CEMIP2: variants seen among roughly 807,000 people sequenced by gnomAD.
CEMIP2 encodes cell surface hyaluronidase CEMIP2.
Under a neutral mutation model 146.9 loss-of-function variants are expected in CEMIP2, and 79 were observed. That is an observed-to-expected ratio of 0.54 (90% CI 0.45 to 0.65). The LOEUF is 0.65. Ranked by LOEUF, CEMIP2 falls within the 30% of genes least tolerant of loss-of-function variation. The pLI is 0.00. For missense variants in CEMIP2, 1,596 were observed against 1,696.2 expected, an observed-to-expected ratio of 0.94 and a Z score of 1.04; for synonymous variants, 601 against 606.3, an observed-to-expected ratio of 0.99 and a Z score of 0.13.
At chr9:71,748,585 C>A (rs1202453188) in intron 2 of CEMIP2, among the ~76,000 whole-genome samples, 4 of 152,174 alleles carry the variant, frequency 2.6e-5, no homozygotes, top group Non-Finnish European at 5.9e-5. Context: ...CCCTTTACTG[C>A]AGAAGAGTTG....
In CEMIP2 at chr9:71,754,899, T is replaced by TAA. The variant is rs35881443; in HGVS notation, c.-12-4516_-12-4515dup. 9.3e-3 allele frequency among the ~76,000 whole-genome samples: 1,411 copies of TAA among 150,964 alleles called. 17 individuals are homozygous for TAA. Among genetic ancestry groups the TAA allele is most frequent in the African/African-American group, 0.031 (1,289 of 41,214 alleles). ...TCTACTTAAAATATACAAATGCTGTTAAAAAAAAATACAAATGCTGGAAAA... is the reference window on the plus strand; with the variant it reads ...TCTACTTAAAATATACAAATGCTGTTAAAAAAAAAAATACAAATGCTGGAAAA... On this transcript the variant is annotated intron_variant, in intron 1 of 23. Coordinates refer to ENST00000377044, the MANE Select transcript of CEMIP2 (RefSeq NM_013390.3).
intron 3 of CEMIP2, 33 bp downstream of exon 3, chr9:71,746,168 T>C (rs1589161713): frequency 6.2e-7 from 1 of 1,605,418 alleles, no homozygotes. Context: ...AAGAGCAACC[T>C]TGCAGTTCCC....
chr9:71,749,867 A>G (rs1316392971), intron 2 of CEMIP2, 176 bp downstream of exon 2: 4 of 581,786 alleles, frequency 6.9e-6, no homozygotes, highest in African/African-American at 5.6e-5. Flanking sequence ...CCATTTAATC[A>G]TTTCCAACAG....
chr9:71,706,318 A>G (rs909337203), intron 17 of CEMIP2, among the ~76,000 whole-genome samples: 2 of 152,128 alleles, frequency 1.3e-5, no homozygotes, highest in Non-Finnish European at 2.9e-5. Context: ...TTGAGATCCA[A>G]TTGCTCCCAT....
intron 1 of CEMIP2, among the ~76,000 whole-genome samples, chr9:71,760,699 GCAATTAAGAACAGCTAACA>G (rs139705338): frequency 0.065 from 9,326 of 143,984 alleles, 491 homozygotes; most frequent in South Asian, 0.18. Context: ...AGGAAGGGTA[GCAATTAAGAACAGCTAACA>G]CTCTCTGAGC....
intron 22 of CEMIP2, 125 bp downstream of exon 22, chr9:71,689,967 A>C: frequency 8.4e-7 from 1 of 1,190,286 alleles, no homozygotes; most frequent in South Asian, 1.5e-5. Context: ...GAGAGGAATG[A>C]ACACCTTGCA....
At chr9:71,730,399 T>A (rs1021501175) in intron 8 of CEMIP2, 146 bp from the exon 9 acceptor site, 2 of 798,470 alleles carry the variant, frequency 2.5e-6, no homozygotes, top group Non-Finnish European at 2.0e-6. Context: ...ATGTCAGGCT[T>A]AATTTATCTC....
At chr9:71,709,991 C>T (rs1385175381) in intron 16 of CEMIP2, among the ~76,000 whole-genome samples, 1 of 152,114 alleles carries the variant, frequency 6.6e-6, no homozygotes, top group Non-Finnish European at 1.5e-5. Flanking sequence ...GTTCATATGA[C>T]TCCCCCCACC....
chr9:71,756,506 T>TCTCTCTCA (rs1010879160), intron 1 of CEMIP2, among the ~76,000 whole-genome samples: 3 of 112,496 alleles, frequency 2.7e-5, no homozygotes, highest in African/African-American at 1.0e-4. Flanking sequence ...TCTCTCTCTC[T>TCTCTCTCA]CACACACACA....
rs780302239 is a variant in CEMIP2 at position 71,745,462 on chromosome 9, T to C, written c.590A>G (p.Lys197Arg). 9 of 1,614,094 alleles carry C rather than the reference T, an allele frequency of 5.6e-6. No individual in the cohort carries two copies. In the South Asian group the frequency reaches 9.9e-5, roughly 18 times the overall value. ...LHIGAEKCRY[K>R]SKATITLYGK... is the part of the protein sequence containing the mutation. ...ATACAAGGTAATTGTCGCTTTGGAT[T>C]TATAGCGGCATTTTTCTGCTCCAAT... The change falls in exon 4 of 24, where the codon AAA (lysine) becomes AGA (arginine). Residue 197 changes from lysine (K) to arginine (R), a missense_variant. Coordinates refer to ENST00000377044, the MANE Select transcript of CEMIP2 (RefSeq NM_013390.3).
In CEMIP2 at chr9:71,745,497, C is replaced by T. The variant is rs375221355; in HGVS notation, c.555G>A (p.Gly185=). ...ATTTTTCTGCTCCAATATGAAGCGC[C>T]CCACCATCCTGGATCAGGATGTAAT... is the stretch of plus-strand genomic sequence containing the variant. The part of the protein sequence containing the change: ...RTHYILIQDG[G]ALHIGAEKCR... Residue 185 remains glycine (G), a synonymous_variant, in exon 4 of 24, where the codon GGG becomes GGA. Transcript: ENST00000377044. 4 of 1,613,216 alleles carry T rather than the reference C, an allele frequency of 2.5e-6. No individual in the cohort carries two copies. Among genetic ancestry groups the T allele is most frequent in the Admixed American group, 3.3e-5 (2 of 59,956 alleles).
chr9:71,762,830 G>A (rs1824676365), intron 1 of CEMIP2, among the ~76,000 whole-genome samples: 2 of 152,148 alleles, frequency 1.3e-5, no homozygotes, highest in South Asian at 4.2e-4. Context: ...GGGCAACATG[G>A]TGAAACCCTA....
intron 16 of CEMIP2, among the ~76,000 whole-genome samples, chr9:71,710,045 T>A (rs1007840285): frequency 3.9e-5 from 6 of 152,188 alleles, no homozygotes; most frequent in Admixed American, 1.3e-4. Context: ...GAAACACAAT[T>A]TAAGTGTTGA....
At chr9:71,752,815 A>T (rs998681117) in intron 1 of CEMIP2, among the ~76,000 whole-genome samples, 2 of 152,184 alleles carry the variant, frequency 1.3e-5, no homozygotes, top group African/African-American at 4.8e-5. Context: ...AACGACCTGG[A>T]AATTAATGGG....
At chr9:71,741,185 A>ATT (rs79872255) in intron 4 of CEMIP2, among the ~76,000 whole-genome samples, 3,116 of 72,186 alleles carry the variant, frequency 0.043, 271 homozygotes, top group Non-Finnish European at 0.051. Context: ...ACTGAGTTAG[A>ATT]TTTTTTTTTT....
intron 21 of CEMIP2, among the ~76,000 whole-genome samples, 192 bp downstream of exon 21, chr9:71,694,317 A>G (rs540843241): frequency 1.3e-5 from 2 of 152,014 alleles, no homozygotes; most frequent in Non-Finnish European, 2.9e-5. Flanking sequence ...TAGTAGAGAC[A>G]GCGTTTCACC....
At chr9:71,701,211 T>C (rs1214002853) in intron 18 of CEMIP2, among the ~76,000 whole-genome samples, 1 of 152,160 alleles carries the variant, frequency 6.6e-6, no homozygotes, top group Non-Finnish European at 1.5e-5. Context: ...GTTCAAGCAA[T>C]TGTCCTGCCT....
chr9:71,766,712 T>C (rs1351471586), intron 1 of CEMIP2, among the ~76,000 whole-genome samples: 2 of 152,248 alleles, frequency 1.3e-5, no homozygotes, highest in African/African-American at 4.8e-5. Flanking sequence ...CAGATTCTAT[T>C]TCCCTGTCCA....
intron 1 of CEMIP2, among the ~76,000 whole-genome samples, chr9:71,765,310 T>C (rs1824758545): frequency 6.6e-6 from 1 of 152,206 alleles, no homozygotes; most frequent in Non-Finnish European, 1.5e-5. Context: ...CTTTTGAAAG[T>C]ACCTTTTGAT....
Sources: allele counts gnomAD v4.1 joint callset (sites outside exome capture counted in the v4.1 genomes callset), GRCh38; gene constraint gnomAD v4.1.1; transcripts MANE v1.5; gene names NCBI Gene and HGNC (gene_info 2026-07-23, HGNC 2026-07-21).